Variants in RERE observed in about 807,000 individuals in gnomAD.
The protein encoded by RERE is arginine-glutamic acid dipeptide repeats protein.
A neutral mutation model predicts 146.1 loss-of-function variants in RERE; 40 were observed. The observed-to-expected ratio is 0.27, with a 90% CI of 0.21 to 0.36. The LOEUF (loss-of-function observed/expected upper bound fraction) is 0.36, where lower values mean the gene tolerates loss of function less well. RERE is among the 10% of genes least tolerant of loss of function. The pLI is 1.00. For synonymous variants in RERE, 1,003 were observed against 866.0 expected (o/e 1.16, Z -2.78); for missense variants, 1,933 against 2,138.7 (o/e 0.90, Z 1.90).
chr1:8,743,010 ATCC>A (rs1174226933), intron 1 of RERE, among the ~76,000 whole-genome samples: 1 of 152,174 alleles, frequency 6.6e-6, no homozygotes, highest in East Asian at 1.9e-4. Context: ...TCATTGTTTA[ATCC>A]TCGAGACATA....
At chr1:8,649,769 C>T (rs1647516516) in intron 2 of RERE, among the ~76,000 whole-genome samples, 1 of 151,466 alleles carries the variant, frequency 6.6e-6, no homozygotes, top group African/African-American at 2.4e-5. Context: ...ATGGAATACA[C>T]ACTATGTGTA....
chr1:8,704,847 T>C (rs1232193786), intron 1 of RERE, among the ~76,000 whole-genome samples: 1 of 152,186 alleles, frequency 6.6e-6, no homozygotes, highest in Non-Finnish European at 1.5e-5. Context: ...GTGGCTGTGA[T>C]CAATACAAAT....
At chr1:8,657,283 C>T (rs1346384157) in intron 1 of RERE, among the ~76,000 whole-genome samples, 2 of 125,528 alleles carry the variant, frequency 1.6e-5, no homozygotes, top group South Asian at 4.9e-4. Flanking sequence ...TCAGCCTGGG[C>T]GACAGAGCGA....
chr1:8,483,516 A>G (rs1183028186), intron 10 of RERE, among the ~76,000 whole-genome samples: 1 of 152,224 alleles, frequency 6.6e-6, no homozygotes, highest in East Asian at 1.9e-4. Context: ...TGATCCTTAG[A>G]ATAGGGTTAT....
chr1:8,761,545 C>G (rs962292059), intron 1 of RERE, among the ~76,000 whole-genome samples: 1 of 152,212 alleles, frequency 6.6e-6, no homozygotes. Context: ...CTTGTTCTAA[C>G]AGTTGCCAAA....
chr1:8,725,269 C>T (rs1408803643), intron 1 of RERE, among the ~76,000 whole-genome samples: 1 of 152,056 alleles, frequency 6.6e-6, no homozygotes, highest in Non-Finnish European at 1.5e-5. Flanking sequence ...GTAACTACGT[C>T]AAAATAACTA....
chr1:8,363,863 G>T (rs1363953078), intron 15 of RERE, 193 bp downstream of exon 15: 1 of 606,892 alleles, frequency 1.6e-6, no homozygotes, highest in East Asian at 2.8e-5. Flanking sequence ...GCCACCCTGG[G>T]GCCCCTCGAA....
chr1:8,434,330 G>A (rs909492911), intron 11 of RERE, among the ~76,000 whole-genome samples: 4 of 152,172 alleles, frequency 2.6e-5, no homozygotes, highest in Non-Finnish European at 5.9e-5. Flanking sequence ...TGCGCTATCG[G>A]TGGAATCAGA....
intron 1 of RERE, among the ~76,000 whole-genome samples, chr1:8,673,930 G>T (rs1322832578): frequency 6.6e-6 from 1 of 152,130 alleles, no homozygotes; most frequent in Non-Finnish European, 1.5e-5. Context: ...CTACTCTAGA[G>T]GCTGAGGTGG....
intron 12 of RERE, among the ~76,000 whole-genome samples, chr1:8,396,983 T>TGTA (rs1303227490): frequency 6.6e-6 from 1 of 152,244 alleles, no homozygotes; most frequent in Non-Finnish European, 1.5e-5. Flanking sequence ...ACCACGTGAC[T>TGTA]GTATACACAT....
chr1:8,576,623 A>G (rs1178411477), intron 4 of RERE, among the ~76,000 whole-genome samples: 1 of 152,232 alleles, frequency 6.6e-6, no homozygotes, highest in Non-Finnish European at 1.5e-5. Context: ...AATGGGTCAA[A>G]GATTGAAATG....
intron 4 of RERE, among the ~76,000 whole-genome samples, chr1:8,609,298 T>C (rs957421010): frequency 6.6e-6 from 1 of 152,102 alleles, no homozygotes. Flanking sequence ...GGAACAGAGC[T>C]GAAAGCAGGC....
At chr1:8,374,631 C>T (rs74049623) in intron 12 of RERE, among the ~76,000 whole-genome samples, 2,220 of 152,290 alleles carry the variant, frequency 0.015, 55 homozygotes, top group African/African-American at 0.051. Flanking sequence ...CCCAAAGCCC[C>T]GCTAGTACCT....
At chr1:8,553,285 C>T (rs1645961329) in intron 6 of RERE, among the ~76,000 whole-genome samples, 2 of 151,518 alleles carry the variant, frequency 1.3e-5, no homozygotes, top group African/African-American at 4.9e-5. Flanking sequence ...TCCACACACA[C>T]GTGACACTAC....
At chr1:8,599,511 C>CA (rs1327466169) in intron 4 of RERE, among the ~76,000 whole-genome samples, 5 of 151,786 alleles carry the variant, frequency 3.3e-5, no homozygotes, top group East Asian at 1.9e-4. Context: ...TTAATAATTC[C>CA]AAAAAAACAC....
chr1:8,664,119 C>T (rs1455539110), intron 1 of RERE, among the ~76,000 whole-genome samples: 3 of 152,310 alleles, frequency 2.0e-5, no homozygotes, highest in Non-Finnish European at 2.9e-5. Flanking sequence ...TGTCATATTC[C>T]GTGAAGCAAC....
At chr1:8,595,762 G>A (rs1023378027) in intron 4 of RERE, among the ~76,000 whole-genome samples, 9 of 152,190 alleles carry the variant, frequency 5.9e-5, no homozygotes, top group African/African-American at 2.2e-4. Context: ...GGAAGGAGGA[G>A]TGGTTAGAGG....
At chr1:8,376,625 C>T (rs1642267016) in intron 12 of RERE, among the ~76,000 whole-genome samples, 1 of 152,230 alleles carries the variant, frequency 6.6e-6, no homozygotes, top group Admixed American at 6.5e-5. Flanking sequence ...CTCTGGCCTA[C>T]TTTTGGCTCT....
intron 1 of RERE, among the ~76,000 whole-genome samples, chr1:8,722,675 T>C (rs1639886602): frequency 6.6e-6 from 1 of 152,200 alleles, no homozygotes; most frequent in South Asian, 2.1e-4. Flanking sequence ...CCATAAACAA[T>C]ACAGTATAAT....
Sources: gnomAD v4.1 joint callset for allele counts (sites outside exome capture counted in the v4.1 genomes callset) on GRCh38, gnomAD v4.1.1 for gene constraint, MANE v1.5 for transcripts, NCBI Gene and HGNC (gene_info 2026-07-23, HGNC 2026-07-21) for gene names.